The following PRDM16 variants were observed in gnomAD, a reference collection of about 807,000 sequenced individuals.
PRDM16 encodes PR/SET domain 16, also known as histone-lysine N-methyltransferase PRDM16.
Under a neutral mutation model 110.6 loss-of-function variants are expected in PRDM16, and 23 were observed. The ratio of observed to expected loss-of-function variants is 0.21; its 90% confidence interval spans 0.15 to 0.29. PRDM16 has a LOEUF of 0.29. PRDM16 is among the 10% of genes least tolerant of loss of function. The pLI is 1.00. For missense variants in PRDM16, 1,615 were observed against 1,794.3 expected (o/e 0.90, Z 1.81); for synonymous variants, 799 against 781.8 (o/e 1.02, Z -0.37).
chr1:3,427,580 G>A (rs987072732), intron 14 of PRDM16, among the ~76,000 whole-genome samples: 2 of 152,164 alleles, frequency 1.3e-5, no homozygotes, highest in Non-Finnish European at 2.9e-5. Flanking sequence ...CTAGGAGAGT[G>A]GGGGTACCTG....
At chr1:3,173,948 C>T (rs140602595) in intron 1 of PRDM16, among the ~76,000 whole-genome samples, 20 of 152,128 alleles carry the variant, frequency 1.3e-4, no homozygotes, top group Admixed American at 3.3e-4. Flanking sequence ...CGGCCGGGCC[C>T]GTGCTATGGC....
intron 2 of PRDM16, among the ~76,000 whole-genome samples, chr1:3,231,891 G>A (rs992940400): frequency 1.3e-5 from 2 of 152,202 alleles, no homozygotes; most frequent in Non-Finnish European, 2.9e-5. Flanking sequence ...GGGGGGTCCC[G>A]GCTGCAGCCA....
At chr1:3,204,880 A>G (rs1286706287) in intron 2 of PRDM16, among the ~76,000 whole-genome samples, 1 of 152,078 alleles carries the variant, frequency 6.6e-6, no homozygotes, top group Non-Finnish European at 1.5e-5. Flanking sequence ...GGCTAATTGG[A>G]GAGTGGGACC....
intron 1 of PRDM16, among the ~76,000 whole-genome samples, chr1:3,139,416 A>G (rs1399854358): frequency 1.3e-5 from 2 of 152,224 alleles, no homozygotes; most frequent in Non-Finnish European, 2.9e-5. Context: ...CCCCAGATTG[A>G]TAGCAGGCGA....
chr1:3,225,204 T>C (rs1360107601), intron 2 of PRDM16, among the ~76,000 whole-genome samples: 1 of 152,220 alleles, frequency 6.6e-6, no homozygotes, highest in Non-Finnish European at 1.5e-5. Flanking sequence ...AATAGCTCTT[T>C]AAAACAGCAT....
chr1:3,133,744 G>A (rs1465165509), intron 1 of PRDM16: 1 of 152,234 alleles, frequency 6.6e-6, no homozygotes, highest in East Asian at 1.9e-4. Flanking sequence ...TCCCCTTCAT[G>A]TGAGGGAGAA....
At chr1:3,193,253 G>T (rs113086363) in intron 2 of PRDM16, among the ~76,000 whole-genome samples, 1 of 152,316 alleles carries the variant, frequency 6.6e-6, no homozygotes, top group South Asian at 2.1e-4. Context: ...TGCCCGTCCC[G>T]CCTCCAGGGC....
intron 3 of PRDM16, among the ~76,000 whole-genome samples, chr1:3,249,415 C>G (rs1045202936): frequency 6.6e-6 from 1 of 152,066 alleles, no homozygotes; most frequent in African/African-American, 2.4e-5. Context: ...TTTGCTGAGG[C>G]CTGTGCCAGC....
At chr1:3,172,710 A>G (rs1456386753) in intron 1 of PRDM16, among the ~76,000 whole-genome samples, 1 of 152,242 alleles carries the variant, frequency 6.6e-6, no homozygotes, top group Non-Finnish European at 1.5e-5. Flanking sequence ...GCAATAGTGT[A>G]GGATCCCACT....
intron 1 of PRDM16, chr1:3,127,935 AG>A (rs1643243917): frequency 6.5e-6 from 1 of 153,780 alleles, no homozygotes; most frequent in Admixed American, 6.5e-5. Context: ...GCCATGGAGG[AG>A]GGGCTCCCGC....
intron 3 of PRDM16, among the ~76,000 whole-genome samples, chr1:3,337,096 C>T (rs997223552): frequency 1.3e-4 from 20 of 151,324 alleles, no homozygotes; most frequent in African/African-American, 4.4e-4. Context: ...CATGCATCCA[C>T]ATGAGTGTTG....
chr1:3,393,997 T>C (rs948910718), intron 4 of PRDM16, among the ~76,000 whole-genome samples: 1 of 151,938 alleles, frequency 6.6e-6, no homozygotes, highest in Non-Finnish European at 1.5e-5. Context: ...CGCTAGACCC[T>C]CCCGCGGCGG....
At position 3,209,921 on chromosome 1, in the gene PRDM16, C is replaced by G. The variant is rs2100842532; in HGVS notation, c.387+23447C>G. Among the ~76,000 whole-genome samples the G allele has an allele frequency of 6.6e-6, 1 of 152,306 alleles. No homozygotes were observed. Among genetic ancestry groups the G allele is most frequent in the East Asian group, 1.9e-4 (1 of 5,184 alleles). ...TCCAAAAGGTGCACCTGTGTTAGCC[C>G]TTTCACAGAACTCTTACTTAACATG... On this transcript the variant is annotated intron_variant, in intron 2 of 16. Coordinates refer to ENST00000270722, the MANE Select transcript of PRDM16 (RefSeq NM_022114.4). The surrounding 1 kb of genome is among the most constrained non-coding windows in gnomAD (Gnocchi z 4.6).
At chr1:3,228,351 C>T (rs1355689299) in intron 2 of PRDM16, among the ~76,000 whole-genome samples, 2 of 152,210 alleles carry the variant, frequency 1.3e-5, no homozygotes, top group Non-Finnish European at 2.9e-5. Context: ...CAGCCCCACC[C>T]CCAGAAAATT....
intron 3 of PRDM16, among the ~76,000 whole-genome samples, chr1:3,322,158 T>A (rs1323835929): frequency 3.2e-5 from 4 of 125,480 alleles, no homozygotes; most frequent in Admixed American, 2.9e-4. Flanking sequence ...GTGAGTGCAC[T>A]GTGTGTGTGT....
Position 3,292,743 on chromosome 1 carries a change from G to A in PRDM16, c.438+48606G>A, listed in dbSNP as rs771865892. On this transcript the variant is annotated intron_variant, in intron 3 of 16. Transcript: ENST00000270722. The stretch of plus-strand genomic sequence containing the variant: ...AGGAGACAGGGGTCACGGAATTGGC[G>A]CGAAGGGAAGAATGGGGAGCCCAGG... Among the ~76,000 whole-genome samples, 61 of 152,216 alleles carry A rather than the reference G, an allele frequency of 4.0e-4. 1 individual carries two copies. Among genetic ancestry groups the A allele is most frequent in the Non-Finnish European group, 3.2e-4 (22 of 68,044 alleles).
chr1:3,292,442 A>G (rs1265243592), intron 3 of PRDM16, among the ~76,000 whole-genome samples: 1 of 152,174 alleles, frequency 6.6e-6, no homozygotes, highest in East Asian at 1.9e-4. Context: ...ACAGAGAGAT[A>G]AACCACACTT....
intron 3 of PRDM16, among the ~76,000 whole-genome samples, chr1:3,352,726 T>C (rs1298434594): frequency 1.3e-5 from 2 of 152,186 alleles, no homozygotes; most frequent in African/African-American, 4.8e-5. Flanking sequence ...TATAAAATTA[T>C]CCTAAACAGA....
intron 1 of PRDM16, among the ~76,000 whole-genome samples, chr1:3,160,495 GTCC>G (rs1300418540): frequency 6.6e-6 from 1 of 152,188 alleles, no homozygotes; most frequent in Non-Finnish European, 1.5e-5. Context: ...CTCACAGAGT[GTCC>G]TCCTGCTTTG....
Sources: gnomAD v4.1 joint callset for allele counts (sites outside exome capture counted in the v4.1 genomes callset) on GRCh38, gnomAD v4.1.1 for gene constraint, Gnocchi (gnomAD v3.1) non-coding constraint, MANE v1.5 for transcripts, NCBI Gene and HGNC (gene_info 2026-07-23, HGNC 2026-07-21) for gene names.